RBBP9: variants seen among roughly 807,000 people sequenced by gnomAD.
RBBP9 encodes RB binding protein 9, serine hydrolase, also known as serine hydrolase RBBP9.
Under a neutral mutation model 24.2 loss-of-function variants are expected in RBBP9, and 20 were observed. The ratio of observed to expected loss-of-function variants is 0.83; its 90% CI spans 0.58 to 1.20. RBBP9 has a LOEUF of 1.20. Ranked by LOEUF, RBBP9 falls within the 50% of genes most tolerant of loss-of-function variation. RBBP9 has a pLI of 0.00. For synonymous variants in RBBP9, 74 were observed against 84.6 expected, an observed-to-expected ratio of 0.87 and a Z score of 0.69; for missense variants, 234 against 233.6, an observed-to-expected ratio of 1.00 and a Z score of -0.01.
intron 3 of RBBP9, among the ~76,000 whole-genome samples, chr20:18,492,108 A>AG (rs2059868316): frequency 6.8e-6 from 1 of 148,042 alleles, no homozygotes; most frequent in East Asian, 1.9e-4. Flanking sequence ...AAAAAAAAAA[A>AG]AAAAAAAAAA....
chr20:18,496,011 G>T, intron 1 of RBBP9, 131 bp from the exon 2 acceptor site: 1 of 773,556 alleles, frequency 1.3e-6, no homozygotes, highest in Non-Finnish European at 2.0e-6. Context: ...AAATGAAGTA[G>T]GTTAAGTGAC....
At position 18,489,499 on chromosome 20, in the gene RBBP9, T is replaced by C; in HGVS notation, c.*265A>G. On this transcript the variant is annotated 3_prime_UTR_variant, in exon 5 of 5. Coordinates refer to ENST00000337227, the MANE Select transcript of RBBP9 (RefSeq NM_006606.3). Reference sequence around the variant, plus strand: ...AACCTGGGTTCTGTTTCTGACTCACTTCGGATAGAGAAGGGTAGTTAAGCT... The same window carrying C: ...AACCTGGGTTCTGTTTCTGACTCACCTCGGATAGAGAAGGGTAGTTAAGCT... 1 of 305,856 alleles carries C rather than the reference T, an allele frequency of 3.3e-6. No homozygotes were observed. Among genetic ancestry groups the C allele is most frequent in the Non-Finnish European group, 6.0e-6 (1 of 166,036 alleles). The allele number at this position is 305,856 out of a possible 1,614,324, so 18.9% of individuals were successfully genotyped here.
intron 3 of RBBP9, among the ~76,000 whole-genome samples, chr20:18,490,792 G>A (rs140890302): frequency 1.3e-5 from 2 of 151,582 alleles, no homozygotes; most frequent in Non-Finnish European, 2.9e-5. Context: ...CAATTCTCCT[G>A]TTTTAGCCTC....
chr20:18,493,727 G>T (rs2059873623), intron 3 of RBBP9, among the ~76,000 whole-genome samples: 1 of 152,182 alleles, frequency 6.6e-6, no homozygotes, highest in African/African-American at 2.4e-5. Context: ...AGCTACTGGG[G>T]TTTGCAGCCA....
At chr20:18,492,096 CAAAA>C (rs71194242) in intron 3 of RBBP9, among the ~76,000 whole-genome samples, 1 of 70,092 alleles carries the variant, frequency 1.4e-5, no homozygotes, top group Non-Finnish European at 2.6e-5. Context: ...GGCTCTGTCT[CAAAA>C]AAAAAAAAAA....
intron 3 of RBBP9, among the ~76,000 whole-genome samples, chr20:18,492,096 C>CAAAAAAAAAAA (rs71194242): frequency 2.9e-5 from 2 of 70,064 alleles, no homozygotes; most frequent in Admixed American, 1.8e-4. Context: ...GGCTCTGTCT[C>CAAAAAAAAAAA]AAAAAAAAAA....
rs1193155924 is a variant in RBBP9 at position 18,488,782 on chromosome 20, T to C, written c.*982A>G. 1 of 152,242 alleles carries C rather than the reference T, an allele frequency of 6.6e-6. No individual in the cohort carries two copies. The highest frequency in any genetic ancestry group is 2.4e-5 in the African/African-American group (1 of 41,474). The allele number at this position is 152,242 out of a possible 1,614,324, so 9.4% of individuals were successfully genotyped here. On this transcript the variant is annotated 3_prime_UTR_variant, in exon 5 of 5. Transcript: ENST00000337227. ...TGTTCATCTTGGTTATCTTAGTCTT[T>C]TCTCAGACTTCACAGACAATTATCT...
At position 18,489,477 on chromosome 20, in the gene RBBP9, C is replaced by A. The variant is rs1470688504; in HGVS notation, c.*287G>T. On this transcript the variant is annotated 3_prime_UTR_variant, in exon 5 of 5. Coordinates refer to ENST00000337227, the MANE Select transcript of RBBP9 (RefSeq NM_006606.3). Reference sequence around the variant, plus strand: ...TACTCAGGAGTGGGAATCAAGAAACCTGGGTTCTGTTTCTGACTCACTTCG... The same window carrying A: ...TACTCAGGAGTGGGAATCAAGAAACATGGGTTCTGTTTCTGACTCACTTCG... 1 of 262,504 alleles carries A rather than the reference C, an allele frequency of 3.8e-6. No individual in the cohort carries two copies. Among genetic ancestry groups the A allele is most frequent in the South Asian group, 1.3e-4 (1 of 7,926 alleles). The allele number at this position is 262,504 out of a possible 1,614,324, so 16.3% of individuals were successfully genotyped here. A position where few individuals can be genotyped will look rare whatever the true frequency, so the allele number is the denominator to read the frequency against.
chr20:18,496,008 G>T, intron 1 of RBBP9, 128 bp from the exon 2 acceptor site: 1 of 789,648 alleles, frequency 1.3e-6, no homozygotes, highest in Non-Finnish European at 2.0e-6. Flanking sequence ...ATGAAATGAA[G>T]TAGGTTAAGT....
chr20:18,488,126 T>C lies in RBBP9; in HGVS notation c.*1638A>G, dbSNP rs999873091. 1.3e-5 allele frequency: 2 copies of C among 152,156 alleles called. No homozygotes were observed. The highest frequency in any genetic ancestry group is 2.9e-5 in the Non-Finnish European group (2 of 68,020). 9.4% of individuals were successfully genotyped at this position (152,156 alleles called of 1,614,324 possible). ...CTGAATCTCCTTTAGGTATGAAGTG[T>C]AGGAAATTGTATTTCTGCAGCAAAC... On this transcript the variant is annotated 3_prime_UTR_variant, in exon 5 of 5. Coordinates refer to ENST00000337227, the MANE Select transcript of RBBP9 (RefSeq NM_006606.3).
chr20:18,496,089 C>A (rs2059885936), intron 1 of RBBP9, among the ~76,000 whole-genome samples: 1 of 152,158 alleles, frequency 6.6e-6, no homozygotes, highest in African/African-American at 2.4e-5. Context: ...TATAGAGAGA[C>A]CTATATCTGC....
In RBBP9 at chr20:18,497,044, C is replaced by A. The variant is rs373427437; in HGVS notation, c.99+25G>T. 3.9e-5 allele frequency: 63 copies of A among 1,598,790 alleles called. No homozygotes were observed. In the African/African-American group the frequency reaches 7.8e-4, roughly 20 times the overall value. On this transcript the variant is annotated intron_variant, in intron 1 of 4. Transcript: ENST00000337227. The stretch of plus-strand genomic sequence containing the variant: ...CGTCCCTCCCTCCAGGCTGACTTCA[C>A]GGAGCAGCGGCGTTGGGCGCTTACC...
rs754652462 is a variant in RBBP9, at chr20:18,489,870, C to T, written c.455G>A (p.Arg152Lys). The T allele has an allele frequency of 1.2e-6, 2 of 1,613,898 alleles. No homozygotes were observed. Among genetic ancestry groups the T allele is most frequent in the Non-Finnish European group, 1.7e-6 (2 of 1,179,946 alleles). The change falls in exon 5 of 5, where the codon AGG (arginine) becomes AAG (lysine). Residue 152 changes from arginine to lysine, a missense_variant. By Grantham distance (26) the Arg-to-Lys change is conservative. Transcript: ENST00000337227. Reference sequence around the variant, plus strand: ...GAATTTGTGCAATTTGGTTTCCAACCTATCGGCCACTTCTTGTTGTTCCTT... The same window carrying T: ...GAATTTGTGCAATTTGGTTTCCAACTTATCGGCCACTTCTTGTTGTTCCTT... ...PWKEQQEVAD[R>K]LETKLHKFTD... is the part of the protein sequence containing the mutation.
At chr20:18,493,455 T>C (rs947493634) in intron 3 of RBBP9, among the ~76,000 whole-genome samples, 5 of 151,980 alleles carry the variant, frequency 3.3e-5, no homozygotes, top group African/African-American at 1.2e-4. Context: ...ATAAAAGAGA[T>C]AGGAGCCAGT....
intron 3 of RBBP9, among the ~76,000 whole-genome samples, chr20:18,492,355 C>T (rs2059869402): frequency 6.6e-6 from 1 of 152,088 alleles, no homozygotes; most frequent in Non-Finnish European, 1.5e-5. Flanking sequence ...TTTCATGGCT[C>T]TTCAGTCACT....
chr20:18,495,451 G>T (rs1432227625), intron 2 of RBBP9, among the ~76,000 whole-genome samples: 15 of 151,246 alleles, frequency 9.9e-5, no homozygotes, highest in South Asian at 6.3e-4. Context: ...CAAACACTGC[G>T]GAAGGCCGCA....
At chr20:18,494,538 A>T (rs921815590) in intron 2 of RBBP9, among the ~76,000 whole-genome samples, 3 of 152,020 alleles carry the variant, frequency 2.0e-5, no homozygotes, top group Admixed American at 2.0e-4. Context: ...AAAATTAGCC[A>T]GGCGTGATGG....
At chr20:18,494,213 AC>A in intron 2 of RBBP9, 150 bp from the exon 3 acceptor site, 1 of 604,532 alleles carries the variant, frequency 1.7e-6, no homozygotes, top group Non-Finnish European at 2.9e-6. Flanking sequence ...TATTAACAAA[AC>A]CAAAGATTTA....
In RBBP9 at chr20:18,488,903, T is replaced by C. The variant is rs1436669090; in HGVS notation, c.*861A>G. Reference sequence around the variant, plus strand: ...CAGTGTTTGTAAATTTTTTGATGTATACTGTTATTGCCAACTTACATACTC... The same window carrying C: ...CAGTGTTTGTAAATTTTTTGATGTACACTGTTATTGCCAACTTACATACTC... On this transcript the variant is annotated 3_prime_UTR_variant, in exon 5 of 5. Transcript: ENST00000337227. The C allele has an allele frequency of 6.6e-6, 1 of 152,192 alleles. No homozygotes were observed. The highest frequency in any genetic ancestry group is 1.5e-5 in the Non-Finnish European group (1 of 68,038). 9.4% of individuals were successfully genotyped at this position (152,192 alleles called of 1,614,324 possible). A position where few individuals can be genotyped will look rare whatever the true frequency, so the allele number is the denominator to read the frequency against.
Sources: gnomAD v4.1 joint callset for allele counts (sites outside exome capture counted in the v4.1 genomes callset) on GRCh38, gnomAD v4.1.1 for gene constraint, MANE v1.5 for transcripts, NCBI Gene and HGNC (gene_info 2026-07-23, HGNC 2026-07-21) for gene names.